PPP2R3A: variants seen among roughly 807,000 people sequenced by gnomAD.
The protein encoded by PPP2R3A is protein phosphatase 2 regulatory subunit B''alpha.
In PPP2R3A, 80 loss-of-function variants were observed where a neutral mutation model predicts 106.9. The observed-to-expected ratio is 0.75, with a 90% CI of 0.62 to 0.90. PPP2R3A has a LOEUF of 0.90. PPP2R3A is among the 40% of genes least tolerant of loss of function. The pLI is 0.00. For synonymous variants in PPP2R3A, 483 were observed against 468.3 expected, an observed-to-expected ratio of 1.03 and a Z score of -0.41; for missense variants, 1,386 against 1,350.4, an observed-to-expected ratio of 1.03 and a Z score of -0.41.
intron 1 of PPP2R3A, among the ~76,000 whole-genome samples, chr3:135,994,831 C>T (rs375644546): frequency 2.0e-5 from 3 of 152,266 alleles, no homozygotes; most frequent in East Asian, 3.9e-4. Context: ...GCTTACAAGG[C>T]GCAGTCCAAC....
At chr3:135,980,898 G>A (rs923566463) in intron 1 of PPP2R3A, among the ~76,000 whole-genome samples, 1 of 151,866 alleles carries the variant, frequency 6.6e-6, no homozygotes, top group East Asian at 1.9e-4. Flanking sequence ...TGGTAGCGGG[G>A]CATTTACAAG....
At chr3:136,030,823 T>TATGC (rs1934859223) in intron 3 of PPP2R3A, among the ~76,000 whole-genome samples, 2 of 141,138 alleles carry the variant, frequency 1.4e-5, no homozygotes, top group Non-Finnish European at 3.0e-5. Flanking sequence ...TGTATGTATG[T>TATGC]ATACACACAC....
chr3:135,992,746 C>G lies in PPP2R3A; in HGVS notation c.-440-8313C>G, dbSNP rs962873216. On this transcript the variant is annotated intron_variant, in intron 1 of 13. Transcript: ENST00000264977. ...TAAATATACTTGGCAGTGAAGAGAC[C>G]GGAGTTAAAGATAAATATTTGAGAG... Among the ~76,000 whole-genome samples, 110 of 151,806 alleles carry G rather than the reference C, an allele frequency of 7.2e-4. 1 individual carries two copies. The highest frequency in any genetic ancestry group is 1.0e-4 in the Non-Finnish European group (7 of 67,982).
chr3:136,079,809 G>A (rs999560027), intron 7 of PPP2R3A, among the ~76,000 whole-genome samples: 2 of 149,824 alleles, frequency 1.3e-5, no homozygotes, highest in African/African-American at 2.5e-5. Flanking sequence ...ATTTGTATAA[G>A]ATCACACAAA....
At chr3:136,019,174 A>G (rs79371117) in intron 2 of PPP2R3A, among the ~76,000 whole-genome samples, 3 of 152,302 alleles carry the variant, frequency 2.0e-5, no homozygotes, top group African/African-American at 4.8e-5. Context: ...GGAAGTTCCT[A>G]CTGGTGGTAA....
chr3:136,056,884 G>A (rs1227936903), intron 5 of PPP2R3A, among the ~76,000 whole-genome samples: 2 of 151,978 alleles, frequency 1.3e-5, no homozygotes, highest in African/African-American at 4.8e-5. Context: ...TCAATAGCAA[G>A]AAAATAACCT....
chr3:136,104,243 CTG>C (rs1937456236), intron 12 of PPP2R3A, among the ~76,000 whole-genome samples: 1 of 152,076 alleles, frequency 6.6e-6, no homozygotes, highest in Non-Finnish European at 1.5e-5. Flanking sequence ...GGCTTAAAGT[CTG>C]TTATGGTTCA....
intron 2 of PPP2R3A, among the ~76,000 whole-genome samples, chr3:136,021,634 G>C (rs191025826): frequency 1.0e-3 from 157 of 152,082 alleles, no homozygotes; most frequent in Non-Finnish European, 1.8e-3. Context: ...AATGTTTGGT[G>C]TATATTTTCT....
chr3:135,996,190 A>G (rs1933391334), intron 1 of PPP2R3A, among the ~76,000 whole-genome samples: 1 of 152,232 alleles, frequency 6.6e-6, no homozygotes, highest in Admixed American at 6.5e-5. Flanking sequence ...TAGAATTGAA[A>G]AATACTGTAG....
intron 5 of PPP2R3A, among the ~76,000 whole-genome samples, chr3:136,060,555 G>C (rs1262908014): frequency 2.6e-5 from 4 of 152,072 alleles, no homozygotes; most frequent in African/African-American, 7.2e-5. Context: ...CTTGTTCTCT[G>C]TCTCTCCCCT....
chr3:136,127,521 C>A lies in PPP2R3A; in HGVS notation c.3330-17522C>A, dbSNP rs967214834. Among the ~76,000 whole-genome samples, 8 of 152,128 alleles carry A rather than the reference C, an allele frequency of 5.3e-5. No homozygotes were observed. The East Asian group carries it at 1.2e-3, about 22-fold the overall frequency. On this transcript the variant is annotated intron_variant, in intron 13 of 13. Coordinates refer to ENST00000264977, the MANE Select transcript of PPP2R3A (RefSeq NM_002718.5). ...AGAAATATGGGACTATGCGAAAAAACCAAATCGACATCTGATTGGTGTACC... is the reference window on the plus strand; with the variant it reads ...AGAAATATGGGACTATGCGAAAAAAACAAATCGACATCTGATTGGTGTACC...
At chr3:136,067,693 A>G (rs1936302808) in intron 5 of PPP2R3A, among the ~76,000 whole-genome samples, 1 of 152,232 alleles carries the variant, frequency 6.6e-6, no homozygotes, top group Non-Finnish European at 1.5e-5. Context: ...AATATATGGA[A>G]TCAACCTAAG....
At chr3:136,117,866 A>C (rs1483242993) in intron 13 of PPP2R3A, among the ~76,000 whole-genome samples, 2 of 152,194 alleles carry the variant, frequency 1.3e-5, no homozygotes, top group African/African-American at 4.8e-5. Context: ...ATCCTCCTTA[A>C]CTGATTTTAT....
chr3:136,071,993 C>A (rs1936445581), intron 6 of PPP2R3A, among the ~76,000 whole-genome samples: 2 of 150,182 alleles, frequency 1.3e-5, no homozygotes, highest in Admixed American at 6.6e-5. Flanking sequence ...GTTTTTGTAA[C>A]CCTTCTTCCT....
chr3:136,102,170 C>T lies in PPP2R3A; in HGVS notation c.3091C>T (p.Pro1031Ser), dbSNP rs151009181. Reference sequence around the variant, plus strand: ...GTGCCAGATGCTTGACCTAGTGAAGCCAGCTGTTGATGGTGAGACCAAGCA... The same window carrying T: ...GTGCCAGATGCTTGACCTAGTGAAGTCAGCTGTTGATGGTGAGACCAAGCA... The part of the protein sequence containing the change: ...LLCQMLDLVK[P>S]AVDGKITLRD... Residue 1031 changes from proline to serine, a missense_variant, in exon 11 of 14, where the codon CCA becomes TCA. By Grantham distance (74) the Pro-to-Ser change is moderately conservative (BLOSUM62 -1). Transcript: ENST00000264977. 12 of 1,612,954 alleles carry T rather than the reference C, an allele frequency of 7.4e-6. No homozygotes were observed. Among genetic ancestry groups the T allele is most frequent in the Non-Finnish European group, 1.0e-5 (12 of 1,179,932 alleles).
intron 13 of PPP2R3A, among the ~76,000 whole-genome samples, chr3:136,127,560 G>A (rs764498583): frequency 3.5e-4 from 53 of 152,286 alleles, no homozygotes; most frequent in Non-Finnish European, 6.6e-4. Flanking sequence ...AACTGATGGG[G>A]AGAATGGAAC....
At chr3:136,110,476 G>A (rs192907247) in intron 13 of PPP2R3A, among the ~76,000 whole-genome samples, 138 of 152,102 alleles carry the variant, frequency 9.1e-4, no homozygotes, top group Non-Finnish European at 1.0e-3. Flanking sequence ...GGATACTGGC[G>A]TAAGAAATCC....
chr3:136,062,534 CTG>C (rs1936111045), intron 5 of PPP2R3A, among the ~76,000 whole-genome samples: 1 of 151,962 alleles, frequency 6.6e-6, no homozygotes, highest in Non-Finnish European at 1.5e-5. Flanking sequence ...CTGGCTAACA[CTG>C]TGAAACCCCG....
At chr3:136,103,873 A>G (rs959157517) in intron 12 of PPP2R3A, among the ~76,000 whole-genome samples, 1 of 152,208 alleles carries the variant, frequency 6.6e-6, no homozygotes, top group Admixed American at 6.5e-5. Flanking sequence ...CATGGCTATC[A>G]GTTTTGAATG....
Sources: gnomAD v4.1 joint callset for allele counts (sites outside exome capture counted in the v4.1 genomes callset) on GRCh38, gnomAD v4.1.1 for gene constraint, MANE v1.5 for transcripts, NCBI Gene and HGNC (gene_info 2026-07-23, HGNC 2026-07-21) for gene names.